The following SLC9A9 variants were observed in gnomAD, a reference collection of about 807,000 sequenced individuals.
SLC9A9 encodes the protein solute carrier family 9 member A9, also known as sodium/hydrogen exchanger 9.
A neutral mutation model predicts 77.8 loss-of-function variants in SLC9A9; 62 were observed. The observed-to-expected ratio is 0.80, with a 90% CI of 0.65 to 0.98. The LOEUF is 0.98. Among genes scored for constraint, SLC9A9 ranks in the 50% least tolerant of loss-of-function variants. The pLI is 0.00. For synonymous variants in SLC9A9, 320 were observed against 283.5 expected, an observed-to-expected ratio of 1.13 and a Z score of -1.29; for missense variants, 775 against 774.9, an observed-to-expected ratio of 1.00 and a Z score of 0.00.
chr3:143,669,598 A>G (rs2039127240), intron 5 of SLC9A9, among the ~76,000 whole-genome samples: 1 of 152,224 alleles, frequency 6.6e-6, no homozygotes, highest in Non-Finnish European at 1.5e-5. Flanking sequence ...TTCCATAACT[A>G]GCTTCCAACT....
chr3:143,467,174 G>T lies in SLC9A9; in HGVS notation c.1332C>A (p.Ile444=), dbSNP rs141105678. ...TGTTCCGAATAGCTAAGGCAAATGCGATCGCTCCTCGCAAACCTTGCAGGA... is the reference window on the plus strand; with the variant it reads ...TGTTCCGAATAGCTAAGGCAAATGCTATCGCTCCTCGCAAACCTTGCAGGA... ...MMMFSGLRGA[I]AFALAIRNTE... is the part of the protein sequence containing the mutation. Residue 444 remains isoleucine, a synonymous_variant, in exon 12 of 16, where the codon ATC becomes ATA. Coordinates refer to ENST00000316549, the MANE Select transcript of SLC9A9 (RefSeq NM_173653.4). 4.3e-6 allele frequency: 7 copies of T among 1,614,184 alleles called. No individual in the cohort carries two copies. Among genetic ancestry groups the T allele is most frequent in the Non-Finnish European group, 5.9e-6 (7 of 1,180,022 alleles).
chr3:143,558,440 A>T (rs1440175296), intron 8 of SLC9A9, among the ~76,000 whole-genome samples: 1 of 152,192 alleles, frequency 6.6e-6, no homozygotes, highest in Non-Finnish European at 1.5e-5. Flanking sequence ...AGCCCATGAA[A>T]GCAGCTGAGA....
At chr3:143,295,692 C>T (rs1218918965) in intron 14 of SLC9A9, among the ~76,000 whole-genome samples, 2 of 152,188 alleles carry the variant, frequency 1.3e-5, no homozygotes, top group African/African-American at 4.8e-5. Flanking sequence ...TAACCTTTAT[C>T]ATCACCTACA....
At chr3:143,836,260 A>T (rs2009564808) in intron 1 of SLC9A9, among the ~76,000 whole-genome samples, 1 of 152,198 alleles carries the variant, frequency 6.6e-6, no homozygotes, top group Non-Finnish European at 1.5e-5. Context: ...AAGACATATT[A>T]TTCAGTGCTT....
At chr3:143,724,291 T>G (rs113246846) in intron 4 of SLC9A9, among the ~76,000 whole-genome samples, 2,752 of 152,312 alleles carry the variant, frequency 0.018, 74 homozygotes, top group African/African-American at 0.061. Context: ...TGTCAAGAAG[T>G]TCTCTGCTTC....
chr3:143,681,892 C>G (rs947311812), intron 5 of SLC9A9, among the ~76,000 whole-genome samples: 1 of 152,144 alleles, frequency 6.6e-6, no homozygotes, highest in African/African-American at 2.4e-5. Flanking sequence ...AGGTCCCTTA[C>G]CCAGTAACCA....
intron 6 of SLC9A9, among the ~76,000 whole-genome samples, chr3:143,619,496 C>T (rs542603278): frequency 2.0e-5 from 3 of 152,274 alleles, no homozygotes; most frequent in African/African-American, 7.2e-5. Flanking sequence ...GCATAGCAGT[C>T]AAATATTAAA....
chr3:143,358,755 AT>A (rs2032658805), intron 14 of SLC9A9, among the ~76,000 whole-genome samples: 1 of 152,192 alleles, frequency 6.6e-6, no homozygotes, highest in South Asian at 2.1e-4. Flanking sequence ...CTTCCTCATT[AT>A]GAGAGATTGC....
At chr3:143,680,345 A>G (rs978289203) in intron 5 of SLC9A9, among the ~76,000 whole-genome samples, 3 of 152,140 alleles carry the variant, frequency 2.0e-5, no homozygotes, top group African/African-American at 7.2e-5. Context: ...AGGTTTATGA[A>G]AAGTAACAGG....
chr3:143,417,003 AAAG>A (rs1156892815), intron 12 of SLC9A9, among the ~76,000 whole-genome samples: 1 of 152,152 alleles, frequency 6.6e-6, no homozygotes. Flanking sequence ...GGGAAAGGAT[AAAG>A]AAGAGGTAGT....
intron 5 of SLC9A9, among the ~76,000 whole-genome samples, chr3:143,664,515 A>G (rs1013472334): frequency 2.6e-5 from 4 of 152,248 alleles, no homozygotes; most frequent in Non-Finnish European, 5.9e-5. Context: ...AAATGCTCCA[A>G]TTAAAAGACA....
chr3:143,592,211 C>A (rs1426270987), intron 6 of SLC9A9, among the ~76,000 whole-genome samples: 1 of 152,218 alleles, frequency 6.6e-6, no homozygotes, highest in Non-Finnish European at 1.5e-5. Flanking sequence ...ATTGAATAAT[C>A]AGTGCAAGGC....
At chr3:143,722,907 C>T (rs2108803826) in intron 4 of SLC9A9, among the ~76,000 whole-genome samples, 1 of 152,308 alleles carries the variant, frequency 6.6e-6, no homozygotes, top group Non-Finnish European at 1.5e-5. Context: ...TCTCCTAAGT[C>T]TCCATTTTAT....
chr3:143,517,076 T>C, intron 9 of SLC9A9: 1 of 1,077,792 alleles, frequency 9.3e-7, no homozygotes, highest in Non-Finnish European at 1.3e-6. Flanking sequence ...TTCTTTAACT[T>C]TTTTTTTTTT....
At chr3:143,681,564 T>C (rs760843702) in intron 5 of SLC9A9, among the ~76,000 whole-genome samples, 6 of 152,392 alleles carry the variant, frequency 3.9e-5, no homozygotes, top group Non-Finnish European at 8.8e-5. Flanking sequence ...ATTGGGAATA[T>C]ATTGTTGAAC....
intron 9 of SLC9A9, among the ~76,000 whole-genome samples, chr3:143,497,267 C>T (rs2035851702): frequency 6.6e-6 from 1 of 152,168 alleles, no homozygotes; most frequent in South Asian, 2.1e-4. Flanking sequence ...GCCACCTGGA[C>T]TCTATTCAGC....
intron 9 of SLC9A9, among the ~76,000 whole-genome samples, chr3:143,525,027 C>T (rs1485411464): frequency 6.6e-6 from 1 of 152,090 alleles, no homozygotes; most frequent in Non-Finnish European, 1.5e-5. Flanking sequence ...ATTATTCAGT[C>T]TCAAGTATTC....
At chr3:143,359,442 A>C (rs1157624195) in intron 14 of SLC9A9, among the ~76,000 whole-genome samples, 1 of 152,298 alleles carries the variant, frequency 6.6e-6, no homozygotes, top group Middle Eastern at 3.4e-3. Flanking sequence ...AGACATTTAG[A>C]TATAGCGCCA....
chr3:143,356,588 A>T (rs1216358894), intron 14 of SLC9A9, among the ~76,000 whole-genome samples: 5 of 152,168 alleles, frequency 3.3e-5, no homozygotes, highest in Admixed American at 6.5e-5. Flanking sequence ...TGGCAAAATC[A>T]TAGCTCATTG....
Sources: gnomAD v4.1 joint callset for allele counts (sites outside exome capture counted in the v4.1 genomes callset) on GRCh38, gnomAD v4.1.1 for gene constraint, MANE v1.5 for transcripts, NCBI Gene and HGNC (gene_info 2026-07-23, HGNC 2026-07-21) for gene names.